KIF13A: variants seen among roughly 807,000 people sequenced by gnomAD.
The protein encoded by KIF13A is kinesin family member 13A, also known as kinesin-like protein KIF13A.
Under a neutral mutation model 212.2 loss-of-function variants are expected in KIF13A, and 79 were observed. The observed-to-expected ratio is 0.37, with a 90% CI of 0.31 to 0.45. KIF13A has a LOEUF of 0.45. Ranked by LOEUF, KIF13A falls within the 20% of genes least tolerant of loss-of-function variation. The pLI, the probability that KIF13A is intolerant of heterozygous loss-of-function variation, is 1.00. For synonymous variants in KIF13A, 789 were observed against 808.6 expected, an observed-to-expected ratio of 0.98 and a Z score of 0.41; for missense variants, 1,901 against 2,209.0, an observed-to-expected ratio of 0.86 and a Z score of 2.79.
rs906939749 is a variant in KIF13A, at chr6:17,841,663, C to T, written c.831-4080G>A. Among the ~76,000 whole-genome samples, 15 of 152,218 alleles carry T rather than the reference C, an allele frequency of 9.9e-5. No homozygotes were observed. In the South Asian group the frequency reaches 1.0e-3, roughly 11 times the overall value. On this transcript the variant is annotated intron_variant, in intron 9 of 38. Transcript: ENST00000259711. ...AGAAGTGTATCATTAGTAGAAGCCG[C>T]CCCTTTTATCTAATAGTATCCACAC...
At chr6:17,945,035 G>A (rs553373797) in intron 2 of KIF13A, among the ~76,000 whole-genome samples, 50 of 152,316 alleles carry the variant, frequency 3.3e-4, no homozygotes, top group African/African-American at 1.1e-3. Context: ...CACTTTGGGA[G>A]GCCAAGGTGG....
In KIF13A at chr6:17,914,226, T is replaced by C. The variant is rs1207719091; in HGVS notation, c.147-16046A>G. Among the ~76,000 whole-genome samples, 3 of 152,242 alleles carry C rather than the reference T, an allele frequency of 2.0e-5. No individual in the cohort carries two copies. The highest frequency in any genetic ancestry group is 4.4e-5 in the Non-Finnish European group (3 of 68,046). On this transcript the variant is annotated intron_variant, in intron 2 of 38. Coordinates refer to ENST00000259711, the MANE Select transcript of KIF13A (RefSeq NM_022113.6). This position sits in a 1 kb window ranked among gnomAD's most constrained non-coding sequence, Gnocchi z 5.9. ...AGAATAAGTGAAACATTTTAAATTT[T>C]TATTGCTTTTAAACTACATTATTTA...
Position 17,941,045 on chromosome 6 carries a change from G to A in KIF13A, c.147-42865C>T, listed in dbSNP as rs185522185. On this transcript the variant is annotated intron_variant, in intron 2 of 38. Coordinates refer to ENST00000259711, the MANE Select transcript of KIF13A (RefSeq NM_022113.6). ...TCTCCATGTTGATCAGGCTGGTCTCGAACTCCTGACCTCAGGTGATCCGCC... is the reference window on the plus strand; with the variant it reads ...TCTCCATGTTGATCAGGCTGGTCTCAAACTCCTGACCTCAGGTGATCCGCC... 5.7e-3 allele frequency among the ~76,000 whole-genome samples: 871 copies of A among 152,088 alleles called. 13 individuals carry two copies. Among genetic ancestry groups the A allele is most frequent in the African/African-American group, 0.019 (789 of 41,502 alleles).
chr6:17,815,058 T>C (rs1763802553), intron 17 of KIF13A, among the ~76,000 whole-genome samples: 1 of 151,870 alleles, frequency 6.6e-6, no homozygotes. Flanking sequence ...GTGTGAGCCA[T>C]CACCAATGAC....
chr6:17,871,463 C>T lies in KIF13A; in HGVS notation c.220+1914G>A, dbSNP rs116937348. On this transcript the variant is annotated intron_variant, in intron 4 of 38. Transcript: ENST00000259711. This position sits in a 1 kb window ranked among gnomAD's most constrained non-coding sequence, Gnocchi z 4.4. ...TTATCTCAAAATGTTATTTGGTATG[C>T]ATTTCTTTTGCTTTCTAACTTATTT... Among the ~76,000 whole-genome samples, 100 of 152,152 alleles carry T rather than the reference C, an allele frequency of 6.6e-4. No homozygotes were observed. In the East Asian group the frequency reaches 0.019, roughly 29 times the overall value.
At chr6:17,831,369 A>G (rs1765433634) in intron 12 of KIF13A, 134 bp from the exon 13 acceptor site, 12 of 965,236 alleles carry the variant, frequency 1.2e-5, no homozygotes, top group Non-Finnish European at 1.9e-5. Context: ...GCTCAACCAC[A>G]TTAACAGAGA....
In KIF13A at chr6:17,951,282, C is replaced by T; in HGVS notation, c.146+35772G>A. On this transcript the variant is annotated intron_variant, in intron 2 of 38. Coordinates refer to ENST00000259711, the MANE Select transcript of KIF13A (RefSeq NM_022113.6). This position sits in a 1 kb window ranked among gnomAD's most constrained non-coding sequence, Gnocchi z 4.9. Reference sequence around the variant, plus strand: ...AGCTGGGACCACAGGTATGCGCCACCACGTCCAGCTAATTTTAAACAAATT... The same window carrying T: ...AGCTGGGACCACAGGTATGCGCCACTACGTCCAGCTAATTTTAAACAAATT... 1 of 601,192 alleles carries T rather than the reference C, an allele frequency of 1.7e-6. No individual in the cohort carries two copies. Among genetic ancestry groups the T allele is most frequent in the Non-Finnish European group, 2.9e-6 (1 of 349,834 alleles). The allele number at this position is 601,192 out of a possible 1,614,324, so 37.2% of individuals were successfully genotyped here. A position where few individuals can be genotyped will look rare whatever the true frequency, so the allele number is the denominator to read the frequency against.
chr6:17,894,461 C>T (rs1458342432), intron 3 of KIF13A, among the ~76,000 whole-genome samples: 1 of 152,074 alleles, frequency 6.6e-6, no homozygotes. Context: ...TTTTCTTTTT[C>T]ATTCTGTTAA....
Position 17,853,569 on chromosome 6 carries a change from T to C in KIF13A, c.495-1527A>G, listed in dbSNP as rs570678507. ...ACAATGCTTTCAGAGCAGCACTCTA[T>C]TGATAAAAGCAGGAACCACACAAAA... On this transcript the variant is annotated intron_variant, in intron 6 of 38. Transcript: ENST00000259711. Among the ~76,000 whole-genome samples, 11 of 152,266 alleles carry C rather than the reference T, an allele frequency of 7.2e-5. No homozygotes were observed. The South Asian group carries it at 2.3e-3, about 32-fold the overall frequency.
chr6:17,858,081 ATGTGTGTGTGTG>A lies in KIF13A; in HGVS notation c.221-1971_221-1960del, dbSNP rs58092993. 4.7e-3 allele frequency among the ~76,000 whole-genome samples: 683 copies of A among 144,680 alleles called. 6 individuals are homozygous for A. The highest frequency in any genetic ancestry group is 0.021 in the Middle Eastern group (6 of 286). The allele number at this position is 144,680 out of a possible 152,430, so 94.9% of individuals were successfully genotyped here. ...ATGTAAAACCTTATGTCAAATAGTT[ATGTGTGTGTGTG>A]TGTGTGTGTGTGTGTGTGTGCATGC... On this transcript the variant is annotated intron_variant, in intron 4 of 38. Transcript: ENST00000259711.
chr6:17,823,585 G>C (rs369968374), intron 16 of KIF13A, among the ~76,000 whole-genome samples: 2 of 151,352 alleles, frequency 1.3e-5, no homozygotes, highest in Non-Finnish European at 2.9e-5. Flanking sequence ...CTCGTGCTCC[G>C]GCCTCCCAAG....
chr6:17,779,728 G>A (rs758031259), intron 31 of KIF13A, 44 bp from the exon 32 acceptor site: 3 of 735,588 alleles, frequency 4.1e-6, no homozygotes, highest in African/African-American at 3.7e-5. Context: ...TGTGACAAAT[G>A]TAAGTTATTT....
At chr6:17,802,233 G>T (rs375253264) in intron 20 of KIF13A, among the ~76,000 whole-genome samples, 1 of 151,874 alleles carries the variant, frequency 6.6e-6, no homozygotes, top group African/African-American at 2.4e-5. Flanking sequence ...AAATATGGAG[G>T]AAGTAGTAAG....
At chr6:17,966,073 A>G (rs780357976) in intron 2 of KIF13A, among the ~76,000 whole-genome samples, 54 of 152,304 alleles carry the variant, frequency 3.5e-4, no homozygotes, top group Middle Eastern at 3.4e-3. Context: ...GTGTGCCTAT[A>G]ATTCCAGCTA....
At chr6:17,868,477 A>G (rs1268765255) in intron 4 of KIF13A, among the ~76,000 whole-genome samples, 1 of 152,072 alleles carries the variant, frequency 6.6e-6, no homozygotes, top group Non-Finnish European at 1.5e-5. Flanking sequence ...GCATGTATAT[A>G]TGAAGTTCGG....
chr6:17,835,047 T>C (rs1264576339), intron 11 of KIF13A, among the ~76,000 whole-genome samples: 1 of 151,394 alleles, frequency 6.6e-6, no homozygotes, highest in Non-Finnish European at 1.5e-5. Flanking sequence ...CTGGGTATAA[T>C]GGCGCATGCC....
intron 18 of KIF13A, among the ~76,000 whole-genome samples, chr6:17,806,806 G>A (rs1006028965): frequency 6.6e-6 from 1 of 152,210 alleles, no homozygotes; most frequent in South Asian, 2.1e-4. Context: ...TTGAACCCGG[G>A]AGGCGGAGGT....
At chr6:17,956,870 A>C (rs1778395750) in intron 2 of KIF13A, among the ~76,000 whole-genome samples, 1 of 147,906 alleles carries the variant, frequency 6.8e-6, no homozygotes, top group Non-Finnish European at 1.5e-5. Flanking sequence ...ATGAGATCAC[A>C]ACCTTTCTGT....
chr6:17,945,411 AT>A (rs1195844401), intron 2 of KIF13A, among the ~76,000 whole-genome samples: 2 of 152,146 alleles, frequency 1.3e-5, no homozygotes, highest in Admixed American at 1.3e-4. Flanking sequence ...TGCTAATGTT[AT>A]TTTTTGATCT....
Sources: gnomAD v4.1 joint callset for allele counts (sites outside exome capture counted in the v4.1 genomes callset) on GRCh38, gnomAD v4.1.1 for gene constraint, Gnocchi (gnomAD v3.1) non-coding constraint, MANE v1.5 for transcripts, NCBI Gene and HGNC (gene_info 2026-07-23, HGNC 2026-07-21) for gene names.